Variants in PPP6R3 observed in about 807,000 individuals in gnomAD.
PPP6R3 encodes protein phosphatase 6 regulatory subunit 3, also known as serine/threonine-protein phosphatase 6 regulatory subunit 3.
A neutral mutation model predicts 110.7 loss-of-function variants in PPP6R3; 38 were observed. The ratio of observed to expected loss-of-function variants is 0.34; its 90% CI spans 0.26 to 0.45. The LOEUF (loss-of-function observed/expected upper bound fraction) is 0.45. Ranked by LOEUF, PPP6R3 falls within the 20% of genes least tolerant of loss-of-function variation. The probability of loss-of-function intolerance (pLI) is 1.00; values close to 1 mark genes in which losing one functional copy is unlikely to be tolerated. For missense variants in PPP6R3, 870 were observed against 1,062.4 expected (o/e 0.82, Z 2.52); for synonymous variants, 369 against 373.5 (o/e 0.99, Z 0.14).
chr11:68,488,977 G>T (rs2153426131), intron 1 of PPP6R3: 1 of 150,514 alleles, frequency 6.6e-6, no homozygotes, highest in African/African-American at 2.4e-5. Flanking sequence ...TATTGATATA[G>T]TTGTATTAAT....
chr11:68,466,648 T>C (rs2098748653), intron 1 of PPP6R3, among the ~76,000 whole-genome samples: 1 of 151,752 alleles, frequency 6.6e-6, no homozygotes, highest in South Asian at 2.1e-4. Flanking sequence ...AGTCTCACAC[T>C]GTCGCCCGGG....
chr11:68,558,955 A>G (rs1018766255), intron 8 of PPP6R3, among the ~76,000 whole-genome samples: 1 of 152,264 alleles, frequency 6.6e-6, no homozygotes, highest in Non-Finnish European at 1.5e-5. Context: ...ACTATAATAA[A>G]TGCTATAATC....
chr11:68,461,000 C>T (rs1746954375), intron 1 of PPP6R3, among the ~76,000 whole-genome samples, 173 bp downstream of exon 1: 1 of 151,764 alleles, frequency 6.6e-6, no homozygotes, highest in Non-Finnish European at 1.5e-5. Context: ...GGCGCGGCGC[C>T]GAGTCCTTCC....
At chr11:68,506,096 T>C (rs1318475260) in intron 1 of PPP6R3, among the ~76,000 whole-genome samples, 2 of 149,628 alleles carry the variant, frequency 1.3e-5, no homozygotes, top group African/African-American at 2.5e-5. Flanking sequence ...ATTAGGTTGG[T>C]GCAAAAGTAA....
At chr11:68,508,446 A>G (rs1467398162) in intron 1 of PPP6R3, among the ~76,000 whole-genome samples, 1 of 152,068 alleles carries the variant, frequency 6.6e-6, no homozygotes, top group Non-Finnish European at 1.5e-5. Flanking sequence ...TTGTTTTTAA[A>G]TAAATTTAGT....
chr11:68,595,717 A>G lies in PPP6R3; in HGVS notation c.1917-380A>G, dbSNP rs531046820. 7.2e-5 allele frequency among the ~76,000 whole-genome samples: 11 copies of G among 152,356 alleles called. No individual in the cohort carries two copies. In the South Asian group the frequency reaches 2.3e-3, roughly 32 times the overall value. On this transcript the variant is annotated intron_variant, in intron 18 of 23. Transcript: ENST00000393800. ...GACAATTCAGTTTTTAAAAAGCACA[A>G]AAGTGTGAAAAGACAGTTAAGATAT...
chr11:68,523,956 G>A (rs1244234412), intron 2 of PPP6R3, among the ~76,000 whole-genome samples: 4 of 152,112 alleles, frequency 2.6e-5, no homozygotes, highest in African/African-American at 9.7e-5. Context: ...GCATCTGGAA[G>A]GTTACATAAT....
intron 3 of PPP6R3, among the ~76,000 whole-genome samples, chr11:68,541,709 T>G (rs1220388886): frequency 1.3e-5 from 2 of 151,960 alleles, no homozygotes; most frequent in Non-Finnish European, 2.9e-5. Flanking sequence ...CTTCTGAAAC[T>G]GGAGATGGGT....
intron 3 of PPP6R3, among the ~76,000 whole-genome samples, chr11:68,540,941 T>C (rs1298535277): frequency 6.6e-6 from 1 of 152,178 alleles, no homozygotes; most frequent in African/African-American, 2.4e-5. Flanking sequence ...TGCTGTACAA[T>C]TTGTGCAGTT....
At chr11:68,575,578 C>A (rs185248247) in intron 13 of PPP6R3, among the ~76,000 whole-genome samples, 1 of 152,162 alleles carries the variant, frequency 6.6e-6, no homozygotes, top group Non-Finnish European at 1.5e-5. Flanking sequence ...CCCCTACCCC[C>A]GACACGTTAA....
intron 3 of PPP6R3, among the ~76,000 whole-genome samples, chr11:68,541,265 G>A (rs1215751777): frequency 6.6e-6 from 1 of 152,314 alleles, no homozygotes; most frequent in East Asian, 1.9e-4. Flanking sequence ...GTCTGACTTT[G>A]TTCCTTAGGA....
chr11:68,562,737 G>A (rs971485497), intron 8 of PPP6R3, among the ~76,000 whole-genome samples: 1 of 152,084 alleles, frequency 6.6e-6, no homozygotes, highest in Non-Finnish European at 1.5e-5. Context: ...TATATATTTT[G>A]CAGATTATGC....
intron 1 of PPP6R3, among the ~76,000 whole-genome samples, chr11:68,477,514 T>C (rs2153344420): frequency 6.6e-6 from 1 of 151,662 alleles, no homozygotes; most frequent in African/African-American, 2.4e-5. Flanking sequence ...TGCTTGAGTC[T>C]AGGAGTTTGA....
chr11:68,537,789 G>A lies in PPP6R3; in HGVS notation c.125G>A (p.Arg42His), dbSNP rs755168928. The A allele has an allele frequency of 8.1e-6, 13 of 1,613,692 alleles. No homozygotes were observed. The highest frequency in any genetic ancestry group is 6.7e-5 in the East Asian group (3 of 44,870). The change falls in exon 3 of 24, where the codon CGC becomes CAC. Residue 42 changes from arginine to histidine, a missense_variant. By Grantham distance (29) the Arg-to-His change is conservative (BLOSUM62 0). Transcript: ENST00000393800. ...TTACAGGAATGTAAAGCTCAGAACC[G>A]CAAACTTATAGAGTTTCTGTTAAAA... is the stretch of plus-strand genomic sequence containing the variant. Reference protein sequence around the residue: ...DVLQECKAQNRKLIEFLLKAE... With the variant: ...DVLQECKAQNHKLIEFLLKAE...
At chr11:68,528,152 C>T (rs1485623265) in intron 2 of PPP6R3, among the ~76,000 whole-genome samples, 1 of 152,056 alleles carries the variant, frequency 6.6e-6, no homozygotes, top group African/African-American at 2.4e-5. Flanking sequence ...TAGCATAATT[C>T]ATATTAATAC....
intron 1 of PPP6R3, among the ~76,000 whole-genome samples, chr11:68,470,070 A>C (rs2098779322): frequency 6.6e-6 from 1 of 152,190 alleles, no homozygotes; most frequent in South Asian, 2.1e-4. Context: ...CATGTCTTAA[A>C]CACTGTTCTA....
intron 16 of PPP6R3, among the ~76,000 whole-genome samples, chr11:68,589,774 A>G (rs141342295): frequency 6.6e-6 from 1 of 152,256 alleles, no homozygotes; most frequent in African/African-American, 2.4e-5. Context: ...AGAAGCTAAA[A>G]TATTTTTACA....
At chr11:68,532,465 T>C (rs1488323119) in intron 2 of PPP6R3, among the ~76,000 whole-genome samples, 1 of 152,218 alleles carries the variant, frequency 6.6e-6, no homozygotes, top group Non-Finnish European at 1.5e-5. Flanking sequence ...CAAAAAACTC[T>C]AGGATTTTGA....
chr11:68,569,393 G>C (rs2099493612), intron 10 of PPP6R3, among the ~76,000 whole-genome samples: 1 of 152,134 alleles, frequency 6.6e-6, no homozygotes, highest in Non-Finnish European at 1.5e-5. Context: ...CTGTGACAAA[G>C]TTTAATTTAT....
Sources: gnomAD v4.1 joint callset for allele counts (sites outside exome capture counted in the v4.1 genomes callset) on GRCh38, gnomAD v4.1.1 for gene constraint, MANE v1.5 for transcripts, NCBI Gene and HGNC (gene_info 2026-07-23, HGNC 2026-07-21) for gene names.